Variants in HCN1 observed in about 807,000 individuals in gnomAD.
HCN1 encodes the protein potassium/sodium hyperpolarization-activated cyclic nucleotide-gated channel 1.
Under a neutral mutation model 78.9 loss-of-function variants are expected in HCN1, and 13 were observed. That is an observed-to-expected ratio of 0.16 (90% CI 0.11 to 0.26). The LOEUF is 0.26. Ranked by LOEUF, HCN1 falls within the 10% of genes least tolerant of loss-of-function variation. The pLI is 1.00. For synonymous variants in HCN1, 552 were observed against 455.5 expected, an observed-to-expected ratio of 1.21 and a Z score of -2.70; for missense variants, 810 against 1,154.3, an observed-to-expected ratio of 0.70 and a Z score of 4.32.
chr5:45,540,850 T>C (rs1241936673), intron 2 of HCN1, among the ~76,000 whole-genome samples: 1 of 152,180 alleles, frequency 6.6e-6, no homozygotes, highest in Non-Finnish European at 1.5e-5. Context: ...CACTGTGTAT[T>C]TACCTTTAAA....
chr5:45,405,268 T>C (rs568793391), intron 3 of HCN1, among the ~76,000 whole-genome samples: 6 of 152,276 alleles, frequency 3.9e-5, no homozygotes, highest in Non-Finnish European at 8.8e-5. Context: ...TCATAAGAAG[T>C]ATAACAGGTC....
At chr5:45,378,774 C>T (rs1036398083) in intron 4 of HCN1, among the ~76,000 whole-genome samples, 1 of 152,004 alleles carries the variant, frequency 6.6e-6, no homozygotes, top group South Asian at 2.1e-4. Flanking sequence ...CCTCCCCCAG[C>T]CCCTCACCCC....
In HCN1 at chr5:45,514,952, CTTTAA is replaced by C. The variant is rs777387526; in HGVS notation, c.850-52950_850-52946del. 8.6e-5 allele frequency among the ~76,000 whole-genome samples: 13 copies of C among 151,938 alleles called. No homozygotes were observed. The South Asian group carries it at 2.7e-3, about 32-fold the overall frequency. On this transcript the variant is annotated intron_variant, in intron 2 of 7. Transcript: ENST00000303230. ...CAATCCTTCTATCCTAAAAATCCTG[CTTTAA>C]TTTGAGTGTTTTTAGATGTTTTTAT...
At chr5:45,586,568 C>G (rs1454175482) in intron 2 of HCN1, among the ~76,000 whole-genome samples, 1 of 152,080 alleles carries the variant, frequency 6.6e-6, no homozygotes, top group Non-Finnish European at 1.5e-5. Context: ...TAAGATGAAC[C>G]CGGTACCTCA....
intron 2 of HCN1, among the ~76,000 whole-genome samples, chr5:45,568,296 G>A (rs1461879157): frequency 6.6e-6 from 1 of 151,916 alleles, no homozygotes; most frequent in East Asian, 1.9e-4. Flanking sequence ...TAATAAGGAA[G>A]ACTGTCTCAT....
At chr5:45,628,144 C>A (rs1434941246) in intron 2 of HCN1, among the ~76,000 whole-genome samples, 1 of 152,154 alleles carries the variant, frequency 6.6e-6, no homozygotes, top group Non-Finnish European at 1.5e-5. Flanking sequence ...AATTGCCAAG[C>A]AACTTGTATT....
At chr5:45,611,075 G>A (rs1276274666) in intron 2 of HCN1, among the ~76,000 whole-genome samples, 1 of 147,200 alleles carries the variant, frequency 6.8e-6, no homozygotes, top group Non-Finnish European at 1.5e-5. Flanking sequence ...TTTTTTGACA[G>A]AGACTCACTC....
intron 2 of HCN1, among the ~76,000 whole-genome samples, chr5:45,621,121 G>C (rs560264063): frequency 3.9e-5 from 6 of 152,284 alleles, no homozygotes; most frequent in African/African-American, 1.4e-4. Flanking sequence ...GTTGAGGACA[G>C]ACATTGAGAG....
At chr5:45,266,616 T>C (rs530917006) in intron 7 of HCN1, among the ~76,000 whole-genome samples, 15 of 151,630 alleles carry the variant, frequency 9.9e-5, no homozygotes, top group Non-Finnish European at 1.9e-4. Context: ...AAGAGATAGA[T>C]AGGGACCCAG....
chr5:45,348,657 A>T (rs985371027), intron 5 of HCN1, among the ~76,000 whole-genome samples: 2 of 152,338 alleles, frequency 1.3e-5, no homozygotes, highest in South Asian at 2.1e-4. Context: ...CATAGGCTCA[A>T]AATAAAAGGA....
At chr5:45,585,144 C>T (rs1286343841) in intron 2 of HCN1, among the ~76,000 whole-genome samples, 2 of 152,192 alleles carry the variant, frequency 1.3e-5, no homozygotes, top group Non-Finnish European at 2.9e-5. Context: ...GTTGCATTCT[C>T]CCCGTCACTT....
intron 6 of HCN1, among the ~76,000 whole-genome samples, chr5:45,277,727 C>T: frequency 6.6e-6 from 1 of 152,118 alleles, no homozygotes; most frequent in East Asian, 1.9e-4. Context: ...TTGATGCTTA[C>T]TCCAAAGATG....
chr5:45,269,541 GTTAAT>G (rs2111850529), intron 6 of HCN1, among the ~76,000 whole-genome samples: 1 of 152,216 alleles, frequency 6.6e-6, no homozygotes, highest in South Asian at 2.1e-4. Flanking sequence ...TGCAGAATTT[GTTAAT>G]TTAAAGTTTT....
chr5:45,342,512 A>G (rs759698706), intron 5 of HCN1, among the ~76,000 whole-genome samples: 22 of 151,952 alleles, frequency 1.4e-4, no homozygotes, highest in Non-Finnish European at 3.2e-4. Flanking sequence ...TGCTGGGATT[A>G]TAGGCAGGTG....
At chr5:45,292,185 C>T (rs1745391979) in intron 6 of HCN1, among the ~76,000 whole-genome samples, 1 of 151,886 alleles carries the variant, frequency 6.6e-6, no homozygotes, top group Admixed American at 6.6e-5. Flanking sequence ...TCATTTATAC[C>T]ATTCTAGATA....
rs939252362 is a variant in HCN1, at chr5:45,433,681, T to C, written c.1011+28165A>G. On this transcript the variant is annotated intron_variant, in intron 3 of 7. Transcript: ENST00000303230. ...ATTTTTCTCTTCCTTCTTCCTCTTCTGTCATTAGCCTGGCAAAATATGCAA... is the reference window on the plus strand; with the variant it reads ...ATTTTTCTCTTCCTTCTTCCTCTTCCGTCATTAGCCTGGCAAAATATGCAA... Among the ~76,000 whole-genome samples the C allele has an allele frequency of 9.2e-5, 14 of 152,220 alleles. 1 individual carries two copies. The highest frequency in any genetic ancestry group is 6.3e-3 in the Middle Eastern group (2 of 316).
chr5:45,276,349 G>A (rs1006665398), intron 6 of HCN1, among the ~76,000 whole-genome samples: 1 of 152,020 alleles, frequency 6.6e-6, no homozygotes, highest in Non-Finnish European at 1.5e-5. Context: ...AATATGTATG[G>A]GAATCACCTG....
intron 4 of HCN1, among the ~76,000 whole-genome samples, chr5:45,358,514 C>T (rs959606165): frequency 1.3e-5 from 2 of 152,098 alleles, no homozygotes; most frequent in Admixed American, 1.3e-4. Context: ...TCTCCTTCAA[C>T]TCATGACCAG....
intron 2 of HCN1, among the ~76,000 whole-genome samples, chr5:45,621,329 T>A (rs960456898): frequency 6.6e-6 from 1 of 152,140 alleles, no homozygotes; most frequent in African/African-American, 2.4e-5. Flanking sequence ...TTTCTTTTTT[T>A]TTTCCTCCAG....
Sources: gnomAD v4.1 joint callset for allele counts (sites outside exome capture counted in the v4.1 genomes callset) on GRCh38, gnomAD v4.1.1 for gene constraint, MANE v1.5 for transcripts, NCBI Gene and HGNC (gene_info 2026-07-23, HGNC 2026-07-21) for gene names.